HAS1: variants seen among roughly 807,000 people sequenced by gnomAD.
HAS1 encodes HA synthase 1.
A neutral mutation model predicts 35.0 loss-of-function variants in HAS1; 27 were observed. The ratio of observed to expected loss-of-function variants is 0.77; its 90% CI spans 0.57 to 1.06. HAS1 has a LOEUF of 1.06. HAS1 is among the 50% of genes least tolerant of loss of function. The probability of loss-of-function intolerance (pLI) is 0.00; values close to 1 mark genes in which losing one functional copy is unlikely to be tolerated. For synonymous variants in HAS1, 409 were observed against 371.2 expected (o/e 1.10, Z -1.17); for missense variants, 940 against 814.8 (o/e 1.15, Z -1.87).
rs375309404 is a variant in HAS1 at position 51,714,069 on chromosome 19, C to A, written c.1092G>T (p.Thr364=). 3.7e-6 allele frequency: 6 copies of A among 1,613,482 alleles called. No homozygotes were observed. The highest frequency in any genetic ancestry group is 2.5e-6 in the Non-Finnish European group (3 of 1,179,782). ...TCAGCCACCGCAGGAAGGACGAGGG[C>A]GTCTCTGAGTAGCAGCGGGACCTGG... ...YTSRSRCYSE[T]PSSFLRWLSQ... The change falls in exon 5 of 5, where the codon ACG becomes ACT. Residue 364 remains threonine (T), a synonymous_variant. Transcript: ENST00000540069.
rs200754704 is a variant in HAS1 at position 51,713,792 on chromosome 19, T to C, written c.1369A>G (p.Met457Val). Residue 457 changes from methionine to valine, a missense_variant, in exon 5 of 5, where the codon ATG (methionine) becomes GTG (valine). Met to Val is a conservative substitution (Grantham distance 21). Coordinates refer to ENST00000540069, the MANE Select transcript of HAS1 (RefSeq NM_001297436.2). The surrounding 1 kb of genome is among the most constrained non-coding windows in gnomAD (Gnocchi z 4.5). ...GGCGCGTAGAGCGACAGAAGCACCA[T>C]GCGCAGGCAGCCCCGCAGCCAGGCC... is the stretch of plus-strand genomic sequence containing the variant. ...FAAWLRGCLR[M>V]VLLSLYAPLY... 6.2e-7 allele frequency: 1 copy of C among 1,605,786 alleles called. No individual in the cohort carries two copies. Among genetic ancestry groups the C allele is most frequent in the African/African-American group, 1.3e-5 (1 of 74,866 alleles).
At chr19:51,714,396 A>AAATAAATAAATC (rs2083570736) in intron 4 of HAS1, among the ~76,000 whole-genome samples, 1 of 149,724 alleles carries the variant, frequency 6.7e-6, no homozygotes, top group African/African-American at 2.5e-5. Flanking sequence ...ATAAATAAAT[A>AAATAAATAAATC]AGCACCAATG....
Position 51,719,474 on chromosome 19 carries a change from A to C in HAS1, c.431T>G (p.Val144Gly). 3 of 1,551,328 alleles carry C rather than the reference A, an allele frequency of 1.9e-6. No homozygotes were observed. The highest frequency in any genetic ancestry group is 2.6e-6 in the Non-Finnish European group (3 of 1,146,858). Residue 144 changes from valine (V) to glycine (G), a missense_variant, in exon 2 of 5, where the codon GTC (valine) becomes GGC (glycine). Physicochemically the swap from Val to Gly is moderately radical, Grantham distance 109. Transcript: ENST00000540069. Reference sequence around the variant, plus strand: ...AGCGAAGACCTCGCGGAACATGTCGACCATGTAGAGGTCCTCGGCGCGGTT... The same window carrying C: ...AGCGAAGACCTCGCGGAACATGTCGCCCATGTAGAGGTCCTCGGCGCGGTT... The part of the protein sequence containing the change: ...DGNRAEDLYM[V>G]DMFREVFADE...
At chr19:51,721,543 G>A (rs10416360) in intron 1 of HAS1, among the ~76,000 whole-genome samples, 1,794 of 152,170 alleles carry the variant, frequency 0.012, 29 homozygotes, top group African/African-American at 0.04. Context: ...TTTGGGAGGC[G>A]GAGGCGGGTG....
intron 4 of HAS1, among the ~76,000 whole-genome samples, chr19:51,715,581 C>T (rs193157978): frequency 3.3e-5 from 5 of 152,218 alleles, no homozygotes; most frequent in African/African-American, 1.2e-4. Flanking sequence ...TTGCTGTATC[C>T]CCGCAGCTTA....
Position 51,713,415 on chromosome 19 carries a change from G to C in HAS1, c.*12C>G. The C allele has an allele frequency of 1.3e-6, 2 of 1,490,394 alleles. No individual in the cohort carries two copies. The highest frequency in any genetic ancestry group is 8.9e-7 in the Non-Finnish European group (1 of 1,119,360). 92.3% of individuals were successfully genotyped at this position (1,490,394 alleles called of 1,614,324 possible). A position where few individuals can be genotyped will look rare whatever the true frequency, so the allele number is the denominator to read the frequency against. ...CCTGAAGACCCTTGAGGCGGCATCC[G>C]CGTGGCTGGACTCACACCTGGACGC... On this transcript the variant is annotated 3_prime_UTR_variant, in exon 5 of 5. Transcript: ENST00000540069. The surrounding 1 kb of genome is among the most constrained non-coding windows in gnomAD (Gnocchi z 4.5).
intron 1 of HAS1, among the ~76,000 whole-genome samples, chr19:51,721,976 C>T (rs192723125): frequency 6.6e-6 from 1 of 152,270 alleles, no homozygotes; most frequent in East Asian, 1.9e-4. Flanking sequence ...CACTGAGAGG[C>T]AAATACTTTT....
intron 1 of HAS1, among the ~76,000 whole-genome samples, chr19:51,723,246 C>T (rs796850280): frequency 2.8e-4 from 43 of 152,258 alleles, no homozygotes; most frequent in African/African-American, 1.0e-3. Flanking sequence ...TCCCGTGACC[C>T]CCACCGACGG....
intron 4 of HAS1, among the ~76,000 whole-genome samples, chr19:51,715,784 A>G (rs959276029): frequency 6.6e-6 from 1 of 152,152 alleles, no homozygotes; most frequent in Non-Finnish European, 1.5e-5. Flanking sequence ...AGAACTTACT[A>G]GAGTTCAGGT....
At chr19:51,714,602 A>G (rs902192023) in intron 4 of HAS1, among the ~76,000 whole-genome samples, 11 of 146,472 alleles carry the variant, frequency 7.5e-5, no homozygotes, top group African/African-American at 2.8e-4. Flanking sequence ...GAGATGGGGG[A>G]ATCACTTGAG....
intron 3 of HAS1, 76 bp from the exon 4 acceptor site, chr19:51,716,464 C>A: frequency 7.6e-7 from 1 of 1,323,080 alleles, no homozygotes; most frequent in South Asian, 1.4e-5. Context: ...TTTCCAGCCC[C>A]AACCCCATCT....
rs1287330855 is a variant in HAS1 at position 51,719,701 on chromosome 19, C to T, written c.204G>A (p.Ala68=). Residue 68 remains alanine (A), a synonymous_variant, in exon 2 of 5, where the codon GCG becomes GCA. Coordinates refer to ENST00000540069, the MANE Select transcript of HAS1 (RefSeq NM_001297436.2). ...GCTCCAGGTACGCGAAGAGGCTCTGCGCCACCAGGTGCGCTGAAAGGAAGG... is the reference window on the plus strand; with the variant it reads ...GCTCCAGGTACGCGAAGAGGCTCTGTGCCACCAGGTGCGCTGAAAGGAAGG... ...YGAFLSAHLV[A]QSLFAYLEHR... The T allele has an allele frequency of 6.4e-7, 1 of 1,563,304 alleles. No individual in the cohort carries two copies. Among genetic ancestry groups the T allele is most frequent in the East Asian group, 2.4e-5 (1 of 41,816 alleles).
chr19:51,723,267 G>A (rs1273909912), intron 1 of HAS1, among the ~76,000 whole-genome samples: 2 of 152,124 alleles, frequency 1.3e-5, no homozygotes, highest in Non-Finnish European at 2.9e-5. Flanking sequence ...CCACACAGGT[G>A]AACCTGCAGA....
rs1219947107 is a variant in HAS1, at chr19:51,713,381, C to T, written c.*46G>A. 1 of 1,437,232 alleles carries T rather than the reference C, an allele frequency of 7.0e-7. No homozygotes were observed. The highest frequency in any genetic ancestry group is 9.1e-7 in the Non-Finnish European group (1 of 1,093,732). 89.0% of individuals were successfully genotyped at this position (1,437,232 alleles called of 1,614,324 possible). A position where few individuals can be genotyped will look rare whatever the true frequency, so the allele number is the denominator to read the frequency against. ...TGGCTCGGGGCCCAGCAGCTCTCCT[C>T]TGGCCTCCCCTGAAGACCCTTGAGG... On this transcript the variant is annotated 3_prime_UTR_variant, in exon 5 of 5. Transcript: ENST00000540069. This position sits in a 1 kb window ranked among gnomAD's most constrained non-coding sequence, Gnocchi z 4.5.
At chr19:51,716,745 G>A (rs924889188) in intron 3 of HAS1, among the ~76,000 whole-genome samples, 6 of 151,870 alleles carry the variant, frequency 4.0e-5, no homozygotes, top group Non-Finnish European at 5.9e-5. Context: ...CCCAGCCCCA[G>A]CCCCAATCGT....
rs750141734 is a variant in HAS1, at chr19:51,713,462, G to C, written c.1699C>G (p.Arg567Gly). ...LYWVGVRRLCRRRTGGYRVQV is the reference protein window; with the variant it reads ...LYWVGVRRLCGRRTGGYRVQV Reference sequence around the variant, plus strand: ...ACGCGGTAGCCCCCGGTCCGCCGCCGGCAAAGCCTCCGCACGCCCACCCAG... The same window carrying C: ...ACGCGGTAGCCCCCGGTCCGCCGCCCGCAAAGCCTCCGCACGCCCACCCAG... Residue 567 changes from arginine (R) to glycine (G), a missense_variant, in exon 5 of 5, where the codon CGG (arginine) becomes GGG (glycine). Transcript: ENST00000540069. The surrounding 1 kb of genome is among the most constrained non-coding windows in gnomAD (Gnocchi z 4.5). The C allele has an allele frequency of 4.5e-6, 7 of 1,558,188 alleles. No homozygotes were observed. In the South Asian group the frequency reaches 4.7e-5, roughly 10 times the overall value.
intron 2 of HAS1, among the ~76,000 whole-genome samples, chr19:51,718,783 C>A (rs1267225736): frequency 1.3e-5 from 2 of 152,176 alleles, no homozygotes; most frequent in Admixed American, 6.5e-5. Context: ...GTGATCCGCC[C>A]ACCTCAGCCT....
At position 51,713,915 on chromosome 19, in the gene HAS1, C is replaced by A; in HGVS notation, c.1246G>T (p.Ala416Ser). 6.2e-7 allele frequency: 1 copy of A among 1,607,716 alleles called. No homozygotes were observed. Reference sequence around the variant, plus strand: ...GCGTAGAACAGACGCAGCACAGTGGCCGCCACGAAGAAGGGGAACAGGCCG... The same window carrying A: ...GCGTAGAACAGACGCAGCACAGTGGACGCCACGAAGAAGGGGAACAGGCCG... ...VSGLFPFFVAATVLRLFYAGR... is the reference protein window; with the variant it reads ...VSGLFPFFVASTVLRLFYAGR... The change falls in exon 5 of 5, where the codon GCC becomes TCC. Residue 416 changes from alanine (A) to serine (S), a missense_variant. Physicochemically the swap from Ala to Ser is moderately conservative, Grantham distance 99. Coordinates refer to ENST00000540069, the MANE Select transcript of HAS1 (RefSeq NM_001297436.2). This position sits in a 1 kb window ranked among gnomAD's most constrained non-coding sequence, Gnocchi z 4.5.
Position 51,713,928 on chromosome 19 carries a change from G to A in HAS1, c.1233C>T (p.Pro411=). Residue 411 remains proline, a synonymous_variant, in exon 5 of 5, where the codon CCC becomes CCT. Coordinates refer to ENST00000540069, the MANE Select transcript of HAS1 (RefSeq NM_001297436.2). This position sits in a 1 kb window ranked among gnomAD's most constrained non-coding sequence, Gnocchi z 4.5. ...GCAGCACAGTGGCCGCCACGAAGAA[G>A]GGGAACAGGCCGGAGACCACCGCCT... ...TYEAVVSGLF[P]FFVAATVLRL... 1.2e-6 allele frequency: 2 copies of A among 1,609,248 alleles called. No individual in the cohort carries two copies. Among genetic ancestry groups the A allele is most frequent in the Non-Finnish European group, 8.5e-7 (1 of 1,180,004 alleles).
Sources: allele counts gnomAD v4.1 joint callset (sites outside exome capture counted in the v4.1 genomes callset), GRCh38; gene constraint gnomAD v4.1.1; non-coding constraint Gnocchi (gnomAD v3.1); transcripts MANE v1.5; gene names NCBI Gene and HGNC (gene_info 2026-07-23, HGNC 2026-07-21).